INTS9: variants seen among roughly 807,000 people sequenced by gnomAD.
INTS9 encodes protein related to CPSF subunits of 74 kDa.
INTS9 carries 55 observed loss-of-function variants against 79.7 expected under a neutral mutation model. That is an observed-to-expected ratio of 0.69 (90% CI 0.56 to 0.86). The LOEUF (loss-of-function observed/expected upper bound fraction) is 0.86. Among genes scored for constraint, INTS9 ranks in the 40% least tolerant of loss-of-function variants. INTS9 has a pLI of 0.00. For synonymous variants in INTS9, 319 were observed against 325.2 expected (o/e 0.98, Z 0.20); for missense variants, 721 against 831.5 (o/e 0.87, Z 1.64).
intron 6 of INTS9, among the ~76,000 whole-genome samples, chr8:28,824,668 G>GGCT (rs1563277359): frequency 6.6e-6 from 1 of 152,154 alleles, no homozygotes; most frequent in Non-Finnish European, 1.5e-5. Flanking sequence ...CCGCCGCAGG[G>GGCT]GCTGCTGCTC....
chr8:28,843,347 T>G (rs1455773077), intron 4 of INTS9, among the ~76,000 whole-genome samples: 1 of 152,242 alleles, frequency 6.6e-6, no homozygotes, highest in East Asian at 1.9e-4. Flanking sequence ...AAATGTTTCT[T>G]GTGACATTTT....
intron 8 of INTS9, chr8:28,810,419 C>G (rs1396418506): frequency 1.3e-5 from 2 of 152,224 alleles, no homozygotes; most frequent in African/African-American, 4.8e-5. Context: ...CAGTTCTTAG[C>G]TTCATTTTTG....
At chr8:28,836,334 C>T (rs1806804422) in intron 5 of INTS9, among the ~76,000 whole-genome samples, 1 of 152,108 alleles carries the variant, frequency 6.6e-6, no homozygotes, top group South Asian at 2.1e-4. Flanking sequence ...TGGGGATTCA[C>T]AGGACAGAGA....
chr8:28,847,910 G>C (rs1255771887), intron 3 of INTS9, among the ~76,000 whole-genome samples: 1 of 152,182 alleles, frequency 6.6e-6, no homozygotes, highest in Non-Finnish European at 1.5e-5. Context: ...AGGAGCAATG[G>C]GGCTGAAATG....
chr8:28,835,429 C>T (rs1262451305), intron 5 of INTS9, 51 bp from the exon 6 acceptor site: 1 of 1,325,142 alleles, frequency 7.5e-7, no homozygotes. Context: ...ATTAGAGAAA[C>T]ACCCCATACT....
At chr8:28,877,674 T>C (rs1314178729) in intron 1 of INTS9, among the ~76,000 whole-genome samples, 1 of 152,176 alleles carries the variant, frequency 6.6e-6, no homozygotes, top group Non-Finnish European at 1.5e-5. Flanking sequence ...AGATAAATTA[T>C]GGTATATTTA....
chr8:28,831,789 C>T (rs1380634875), intron 6 of INTS9, among the ~76,000 whole-genome samples: 1 of 152,124 alleles, frequency 6.6e-6, no homozygotes, highest in Non-Finnish European at 1.5e-5. Context: ...ACCTCTGCCT[C>T]CCAGGTTCAA....
intron 11 of INTS9, 132 bp from the exon 12 acceptor site, chr8:28,781,126 T>C: frequency 1.5e-6 from 1 of 675,594 alleles, no homozygotes. Context: ...TGGGAGAAAA[T>C]ACCTGCAAAA....
chr8:28,862,595 A>G (rs905224008), intron 1 of INTS9, among the ~76,000 whole-genome samples: 2 of 152,200 alleles, frequency 1.3e-5, no homozygotes, highest in Admixed American at 1.3e-4. Flanking sequence ...GTCAAAAAAG[A>G]TGAGTATTTT....
At chr8:28,770,696 C>A (rs913050410) in intron 15 of INTS9, among the ~76,000 whole-genome samples, 1 of 152,202 alleles carries the variant, frequency 6.6e-6, no homozygotes, top group Non-Finnish European at 1.5e-5. Flanking sequence ...CACGCAGGTG[C>A]CCTCCGGTTC....
At chr8:28,779,058 T>G (rs1188581983) in intron 12 of INTS9, among the ~76,000 whole-genome samples, 1 of 152,144 alleles carries the variant, frequency 6.6e-6, no homozygotes, top group Non-Finnish European at 1.5e-5. Flanking sequence ...GAAGAAACAT[T>G]TGTACTAAAG....
intron 10 of INTS9, among the ~76,000 whole-genome samples, chr8:28,791,179 G>A (rs924846692): frequency 6.6e-6 from 1 of 152,034 alleles, no homozygotes; most frequent in African/African-American, 2.4e-5. Context: ...AAAGACTCTT[G>A]TCTTGTACTT....
chr8:28,844,051 G>A (rs1484480370), intron 4 of INTS9, among the ~76,000 whole-genome samples: 1 of 152,172 alleles, frequency 6.6e-6, no homozygotes, highest in Non-Finnish European at 1.5e-5. Flanking sequence ...ACATGGAGAT[G>A]ACTGGCATCA....
intron 1 of INTS9, among the ~76,000 whole-genome samples, chr8:28,881,140 C>A (rs1405082316): frequency 2.7e-5 from 4 of 148,694 alleles, no homozygotes; most frequent in Non-Finnish European, 6.0e-5. Flanking sequence ...GGTCAGCCCC[C>A]CGCCCGGCTG....
Position 28,769,716 on chromosome 8 carries a change from T to C in INTS9, c.1800+173A>G, listed in dbSNP as rs1427145392. On this transcript the variant is annotated intron_variant, in intron 16 of 16. Coordinates refer to ENST00000521022, the MANE Select transcript of INTS9 (RefSeq NM_018250.4). ...AGGAAGGATGGGGCACTCCTCACTC[T>C]GCTTTCTTTCTCCTGGGTCTCCCAG... 5.1e-6 allele frequency: 4 copies of C among 781,862 alleles called. No individual in the cohort carries two copies. In the East Asian group the frequency reaches 1.1e-4, roughly 22 times the overall value. 48.4% of individuals were successfully genotyped at this position (781,862 alleles called of 1,614,324 possible). A position where few individuals can be genotyped will look rare whatever the true frequency, so the allele number is the denominator to read the frequency against.
intron 2 of INTS9, among the ~76,000 whole-genome samples, chr8:28,853,239 C>A (rs1031913602): frequency 2.0e-5 from 3 of 151,934 alleles, no homozygotes; most frequent in Non-Finnish European, 4.4e-5. Context: ...CATGGTGAAA[C>A]CCTGTCTCTA....
intron 14 of INTS9, 118 bp from the exon 15 acceptor site, chr8:28,771,198 A>AT (rs749937782): frequency 0.09 from 51,995 of 576,192 alleles, no homozygotes; most frequent in East Asian, 0.12. Context: ...AAGGTAAACA[A>AT]TTTTTTTTTT....
intron 4 of INTS9, among the ~76,000 whole-genome samples, chr8:28,842,860 C>T (rs1022745092): frequency 6.6e-6 from 1 of 152,132 alleles, no homozygotes. Context: ...TCATGATGTT[C>T]TATTGGGGTC....
chr8:28,768,137 A>G lies in INTS9; in HGVS notation c.*9T>C, dbSNP rs749848183. On this transcript the variant is annotated 3_prime_UTR_variant, in exon 17 of 17. Transcript: ENST00000521022. Reference sequence around the variant, plus strand: ...GCAGGATTTCAGGGAAGTAGCTCAGATGGCCCACTCAGAACTTCTGTAAGA... The same window carrying G: ...GCAGGATTTCAGGGAAGTAGCTCAGGTGGCCCACTCAGAACTTCTGTAAGA... The G allele has an allele frequency of 3.1e-6, 5 of 1,613,872 alleles. No individual in the cohort carries two copies. The highest frequency in any genetic ancestry group is 4.2e-6 in the Non-Finnish European group (5 of 1,179,974).
Sources: gnomAD v4.1 joint callset for allele counts (sites outside exome capture counted in the v4.1 genomes callset) on GRCh38, gnomAD v4.1.1 for gene constraint, MANE v1.5 for transcripts, NCBI Gene and HGNC (gene_info 2026-07-23, HGNC 2026-07-21) for gene names.